Variants in ENOX2 observed in about 807,000 individuals in gnomAD.
The protein encoded by ENOX2 is APK1 antigen.
Under a neutral mutation model 45.0 loss-of-function variants are expected in ENOX2, and 36 were observed. The observed-to-expected ratio is 0.80, with a 90% confidence interval of 0.61 to 1.06. The LOEUF is 1.06. ENOX2 is among the 50% of genes least tolerant of loss of function. The pLI is 0.00. For synonymous variants in ENOX2, 174 were observed against 152.3 expected, an observed-to-expected ratio of 1.14 and a Z score of -1.05; for missense variants, 423 against 462.5, an observed-to-expected ratio of 0.91 and a Z score of 0.78.
intron 2 of ENOX2, among the ~76,000 whole-genome samples, chrX:130,896,924 C>T (rs1323683393): frequency 8.9e-6 from 1 of 111,852 alleles, no homozygotes; most frequent in African/African-American, 3.3e-5. Flanking sequence ...TATGGTAATC[C>T]ACTACATATG....
rs200823069 is a variant in ENOX2 at position 130,668,076 on chromosome X, T to A, written c.695-334A>T. On this transcript the variant is annotated intron_variant, in intron 7 of 14. Transcript: ENST00000394363. ...CTCTGATTGTGTGTGTGTGTGTGTGTGAGAGAGAGAGAGAGAGAGAGAGAA... is the reference window on the plus strand; with the variant it reads ...CTCTGATTGTGTGTGTGTGTGTGTGAGAGAGAGAGAGAGAGAGAGAGAGAA... 6.0e-3 allele frequency among the ~76,000 whole-genome samples: 617 copies of A among 102,404 alleles called. 9 individuals carry two copies. The East Asian group carries it at 0.083, about 14-fold the overall frequency. The allele number at this position is 102,404 out of a possible 115,157, so 88.9% of individuals were successfully genotyped here.
chrX:130,636,923 C>A (rs890152297), intron 11 of ENOX2, among the ~76,000 whole-genome samples: 2 of 111,553 alleles, frequency 1.8e-5, no homozygotes, highest in African/African-American at 6.5e-5. Context: ...GACCCTGAGG[C>A]CCTGTCTAGA....
intron 3 of ENOX2, among the ~76,000 whole-genome samples, chrX:130,741,887 G>A (rs1307470542): frequency 1.8e-5 from 2 of 111,974 alleles, no homozygotes; most frequent in Non-Finnish European, 3.8e-5. Context: ...AAACTGCCCT[G>A]TTAACTCTGG....
At chrX:130,827,027 C>T (rs1261969894) in intron 2 of ENOX2, among the ~76,000 whole-genome samples, 1 of 111,530 alleles carries the variant, frequency 9.0e-6, no homozygotes, top group Non-Finnish European at 1.9e-5. Flanking sequence ...TATCTGCAGT[C>T]GGGATAACCA....
At chrX:130,695,833 T>C (rs775526142) in intron 4 of ENOX2, among the ~76,000 whole-genome samples, 1 of 111,680 alleles carries the variant, frequency 9.0e-6, no homozygotes, top group Non-Finnish European at 1.9e-5. Flanking sequence ...AAAGACTTTT[T>C]AGGCAGTCTT....
chrX:130,742,701 T>TA (rs1206329536), intron 3 of ENOX2, among the ~76,000 whole-genome samples: 3 of 111,724 alleles, frequency 2.7e-5, no homozygotes, highest in Non-Finnish European at 5.6e-5. Flanking sequence ...AACTAGGGTT[T>TA]AGAGAGGTTT....
chrX:130,672,278 C>A (rs901361077), intron 6 of ENOX2, among the ~76,000 whole-genome samples: 5 of 112,017 alleles, frequency 4.5e-5, no homozygotes, highest in Non-Finnish European at 7.5e-5. Context: ...CTGCCTGCAC[C>A]CACCTGAGAA....
intron 2 of ENOX2, among the ~76,000 whole-genome samples, chrX:130,822,854 C>G (rs1419226262): frequency 8.9e-6 from 1 of 112,091 alleles, no homozygotes. Context: ...TTTTGCCCAA[C>G]TGTAGGCTAA....
At chrX:130,662,736 T>C (rs2036725974) in intron 9 of ENOX2, among the ~76,000 whole-genome samples, 1 of 112,020 alleles carries the variant, frequency 8.9e-6, no homozygotes, top group African/African-American at 3.2e-5. Context: ...GAGGCACCAA[T>C]ATAAAGTGAA....
chrX:130,836,463 G>GA lies in ENOX2; in HGVS notation c.-182-52774dup, dbSNP rs371962181. On this transcript the variant is annotated intron_variant, in intron 2 of 14. Coordinates refer to ENST00000394363, the MANE Select transcript of ENOX2 (RefSeq NM_006375.4). ...TACCAAATTGATCAGTGAGTCTCCA[G>GA]AAAAAAAAAAATGAGCACATTCAAA... 4.6e-3 allele frequency among the ~76,000 whole-genome samples: 475 copies of GA among 104,306 alleles called. 2 individuals are homozygous for GA. The highest frequency in any genetic ancestry group is 0.012 in the East Asian group (39 of 3,361). The allele number at this position is 104,306 out of a possible 115,157, so 90.6% of individuals were successfully genotyped here.
At chrX:130,653,738 G>C (rs1603297283) in intron 10 of ENOX2, among the ~76,000 whole-genome samples, 1 of 112,184 alleles carries the variant, frequency 8.9e-6, no homozygotes, top group South Asian at 3.7e-4. Context: ...TCAGCTTATA[G>C]GACATAGTGC....
rs559009848 is a variant in ENOX2, at chrX:130,750,704, T to G, written c.-39+32843A>C. Among the ~76,000 whole-genome samples the G allele has an allele frequency of 5.7e-4, 63 of 111,313 alleles. 1 individual carries two copies. The highest frequency in any genetic ancestry group is 2.0e-3 in the African/African-American group (60 of 30,671). On this transcript the variant is annotated intron_variant, in intron 3 of 14. Coordinates refer to ENST00000394363, the MANE Select transcript of ENOX2 (RefSeq NM_006375.4). ...CTCTTCCCAAGTCTGTCTTTCTGTC[T>G]CACAGCCTACGTTTTTCTCTTGTCA... is the stretch of plus-strand genomic sequence containing the variant.
At chrX:130,859,512 A>G (rs1480953159) in intron 2 of ENOX2, among the ~76,000 whole-genome samples, 1 of 112,581 alleles carries the variant, frequency 8.9e-6, no homozygotes, top group Non-Finnish European at 1.9e-5. Flanking sequence ...ACCTGAATTG[A>G]GTCTTGCAGA....
intron 5 of ENOX2, among the ~76,000 whole-genome samples, chrX:130,686,217 C>A (rs2037444771): frequency 9.0e-6 from 1 of 110,740 alleles, no homozygotes; most frequent in Admixed American, 9.6e-5. Flanking sequence ...GAGGTGGGGC[C>A]TGATGGGAGG....
chrX:130,784,382 CA>C (rs1382155875), intron 2 of ENOX2, among the ~76,000 whole-genome samples: 1 of 111,133 alleles, frequency 9.0e-6, no homozygotes, highest in African/African-American at 3.3e-5. Flanking sequence ...ATGGTTCAAT[CA>C]GGGGCAAGCA....
At position 130,734,751 on chromosome X, in the gene ENOX2, G is replaced by A. The variant is rs143969033; in HGVS notation, c.-38-31497C>T. Among the ~76,000 whole-genome samples the A allele has an allele frequency of 8.0e-5, 9 of 112,265 alleles. No individual in the cohort carries two copies. In the East Asian group the frequency reaches 2.5e-3, roughly 31 times the overall value. ...CATCTGGATGATGGATCTATAAGGA[G>A]AATGCATTCATACCACTGGCAGAGT... On this transcript the variant is annotated intron_variant, in intron 3 of 14. Coordinates refer to ENST00000394363, the MANE Select transcript of ENOX2 (RefSeq NM_006375.4).
intron 10 of ENOX2, among the ~76,000 whole-genome samples, chrX:130,648,304 G>A (rs1012535047): frequency 1.5e-4 from 16 of 110,131 alleles, no homozygotes; most frequent in African/African-American, 5.0e-4. Context: ...CGGGTATGGT[G>A]GTGCATGCCT....
chrX:130,663,531 CAAA>C (rs771813859), intron 9 of ENOX2, among the ~76,000 whole-genome samples: 2 of 43,055 alleles, frequency 4.6e-5, no homozygotes, highest in African/African-American at 9.2e-5. Flanking sequence ...ACTCCGTCTC[CAAA>C]AAAAAAAAAA....
intron 2 of ENOX2, among the ~76,000 whole-genome samples, chrX:130,857,140 C>T (rs1324165165): frequency 1.8e-5 from 2 of 111,940 alleles, no homozygotes; most frequent in Non-Finnish European, 3.8e-5. Context: ...AATGAACATA[C>T]TACTGATAAC....
Sources: allele counts gnomAD v4.1 joint callset (sites outside exome capture counted in the v4.1 genomes callset), GRCh38; gene constraint gnomAD v4.1.1; transcripts MANE v1.5; gene names NCBI Gene and HGNC (gene_info 2026-07-23, HGNC 2026-07-21).